The following KLHL36 variants were observed in gnomAD, a reference collection of about 807,000 sequenced individuals.
KLHL36 encodes the protein kelch-like protein 36.
Under a neutral mutation model 53.3 loss-of-function variants are expected in KLHL36, and 35 were observed. The observed-to-expected ratio is 0.66, with a 90% confidence interval of 0.50 to 0.87. KLHL36 has a LOEUF of 0.87. Ranked by LOEUF, KLHL36 falls within the 40% of genes least tolerant of loss-of-function variation. KLHL36 has a pLI of 0.00. For missense variants in KLHL36, 864 were observed against 897.6 expected (o/e 0.96, Z 0.48); for synonymous variants, 472 against 398.9 (o/e 1.18, Z -2.18).
Position 84,661,752 on chromosome 16 carries a change from C to A in KLHL36, c.1470C>A (p.Ser490Arg). The A allele has an allele frequency of 6.2e-7, 1 of 1,613,458 alleles. No individual in the cohort carries two copies. Among genetic ancestry groups the A allele is most frequent in the Non-Finnish European group, 8.5e-7 (1 of 1,179,898 alleles). ...TTARGWHSMC[S>R]LGDSIYSIGG... ...CGCGCGGCTGGCACAGCATGTGCAG[C>A]CTGGGTGACAGCATCTACTCCATCG... Residue 490 changes from serine (S) to arginine (R), a missense_variant, in exon 5 of 5, where the codon AGC becomes AGA. Coordinates refer to ENST00000564996, the MANE Select transcript of KLHL36 (RefSeq NM_024731.4). This position sits in a 1 kb window ranked among gnomAD's most constrained non-coding sequence, Gnocchi z 7.9.
Position 84,657,564 on chromosome 16 carries a change from G to A in KLHL36, c.757G>A (p.Val253Met), listed in dbSNP as rs764963635. ...NDLLHRVKPA[V>M]CSLLPKEANC... ...CCTGCTGCACCGCGTCAAGCCGGCC[G>A]TGTGCTCGCTGCTGCCCAAGGAGGC... is the stretch of plus-strand genomic sequence containing the variant. The change falls in exon 3 of 5, where the codon GTG becomes ATG. Residue 253 changes from valine to methionine, a missense_variant. By Grantham distance (21) the Val-to-Met change is conservative (BLOSUM62 1). Transcript: ENST00000564996. 10 of 1,610,522 alleles carry A rather than the reference G, an allele frequency of 6.2e-6. No homozygotes were observed. The highest frequency in any genetic ancestry group is 3.3e-5 in the South Asian group (3 of 91,088).
chr16:84,666,572 A>G lies in KLHL36; in HGVS notation c.*4439A>G, dbSNP rs1907846010. 1 of 152,116 alleles carries G rather than the reference A, an allele frequency of 6.6e-6. No individual in the cohort carries two copies. The highest frequency in any genetic ancestry group is 2.4e-5 in the African/African-American group (1 of 41,402). The allele number at this position is 152,116 out of a possible 1,614,324, so 9.4% of individuals were successfully genotyped here. On this transcript the variant is annotated 3_prime_UTR_variant, in exon 5 of 5. Coordinates refer to ENST00000564996, the MANE Select transcript of KLHL36 (RefSeq NM_024731.4). The stretch of plus-strand genomic sequence containing the variant: ...CCTTTGCCATACGGGTCATTTCTTG[A>G]TCAAATATATGACTGGGGTCCTGGT...
rs1401476039 is a variant in KLHL36, at chr16:84,662,786, C to T, written c.*653C>T. 1 of 152,238 alleles carries T rather than the reference C, an allele frequency of 6.6e-6. No individual in the cohort carries two copies. The highest frequency in any genetic ancestry group is 1.9e-4 in the East Asian group (1 of 5,202). The allele number at this position is 152,238 out of a possible 1,614,324, so 9.4% of individuals were successfully genotyped here. ...TAGACTGTCAGATGAGACATGATGA[C>T]TTCCCGCTGGGGAGCTGTTCTCCGT... On this transcript the variant is annotated 3_prime_UTR_variant, in exon 5 of 5. Transcript: ENST00000564996.
intron 2 of KLHL36, 34 bp from the exon 3 acceptor site, chr16:84,656,837 G>A (rs1907228518): frequency 1.3e-6 from 2 of 1,540,180 alleles, no homozygotes; most frequent in African/African-American, 1.4e-5. Context: ...CGAGCAGGCT[G>A]CTGCGCCGTT....
rs966333024 is a variant in KLHL36, at chr16:84,663,720, A to T, written c.*1587A>T. ...AAGATTGATATTAGACTAGGAAAAA[A>T]ATCTTAGTTAACTTTAATTTCCATT... On this transcript the variant is annotated 3_prime_UTR_variant, in exon 5 of 5. Coordinates refer to ENST00000564996, the MANE Select transcript of KLHL36 (RefSeq NM_024731.4). 10 of 152,224 alleles carry T rather than the reference A, an allele frequency of 6.6e-5. No homozygotes were observed. The highest frequency in any genetic ancestry group is 1.3e-4 in the Non-Finnish European group (9 of 68,044). 9.4% of individuals were successfully genotyped at this position (152,224 alleles called of 1,614,324 possible).
chr16:84,654,017 C>G (rs371544288), intron 2 of KLHL36, among the ~76,000 whole-genome samples: 22 of 152,312 alleles, frequency 1.4e-4, no homozygotes, highest in African/African-American at 4.8e-4. Flanking sequence ...GCCCCCTGCC[C>G]CAGCTCACTG....
In KLHL36 at chr16:84,665,590, G is replaced by GC. The variant is rs1907794765; in HGVS notation, c.*3458dup. 1 of 152,212 alleles carries GC rather than the reference G, an allele frequency of 6.6e-6. No homozygotes were observed. Among genetic ancestry groups the GC allele is most frequent in the African/African-American group, 2.4e-5 (1 of 41,446 alleles). The allele number at this position is 152,212 out of a possible 1,614,324, so 9.4% of individuals were successfully genotyped here. The stretch of plus-strand genomic sequence containing the variant: ...AGTGGGACTTCAGACCTGGCTCTGA[G>GC]CAGGACCACACGTGTGTATTTATAT... On this transcript the variant is annotated 3_prime_UTR_variant, in exon 5 of 5. Coordinates refer to ENST00000564996, the MANE Select transcript of KLHL36 (RefSeq NM_024731.4).
At position 84,661,434 on chromosome 16, in the gene KLHL36, C is replaced by CT. The variant is rs1907538905; in HGVS notation, c.1296-143dup. On this transcript the variant is annotated intron_variant, in intron 4 of 4. Transcript: ENST00000564996. The surrounding 1 kb of genome is among the most constrained non-coding windows in gnomAD (Gnocchi z 7.9). Reference sequence around the variant, plus strand: ...TTTCTTTGCTAATGACGGCTACTGTCTATAGAGTGTTCATGGGGTGCCCAC... The same window carrying CT: ...TTTCTTTGCTAATGACGGCTACTGTCTTATAGAGTGTTCATGGGGTGCCCAC... 1.3e-6 allele frequency: 1 copy of CT among 782,714 alleles called. No homozygotes were observed. The highest frequency in any genetic ancestry group is 2.0e-6 in the Non-Finnish European group (1 of 492,694). The allele number at this position is 782,714 out of a possible 1,614,324, so 48.5% of individuals were successfully genotyped here.
chr16:84,659,543 G>A (rs67118461), intron 3 of KLHL36: 81,971 of 533,394 alleles, frequency 0.15, 8,133 homozygotes, highest in Non-Finnish European at 0.2. Flanking sequence ...GACTCAGAGC[G>A]TCTCCATCCC....
chr16:84,652,120 CTTTG>C (rs935813992), intron 2 of KLHL36, among the ~76,000 whole-genome samples: 32 of 152,250 alleles, frequency 2.1e-4, no homozygotes, highest in African/African-American at 6.5e-4. Context: ...CTCACAAGGG[CTTTG>C]TTTGGGAGCT....
Position 84,648,514 on chromosome 16 carries a change from G to C in KLHL36, c.-152G>C, listed in dbSNP as rs565420610. 2 of 146,994 alleles carry C rather than the reference G, an allele frequency of 1.4e-5. No individual in the cohort carries two copies. Among genetic ancestry groups the C allele is most frequent in the Admixed American group, 6.8e-5 (1 of 14,728 alleles). The allele number at this position is 146,994 out of a possible 1,614,324, so 9.1% of individuals were successfully genotyped here. ...GGCCGCGCGCGCCGCCTCCGCCCTC[G>C]GCCTCGCACTTCCTGGCGGAGCCAT... On this transcript the variant is annotated 5_prime_UTR_variant, in exon 1 of 5. Transcript: ENST00000564996. This position sits in a 1 kb window ranked among gnomAD's most constrained non-coding sequence, Gnocchi z 4.9.
chr16:84,649,951 C>T (rs1906741810), intron 1 of KLHL36, among the ~76,000 whole-genome samples: 1 of 152,058 alleles, frequency 6.6e-6, no homozygotes, highest in East Asian at 1.9e-4. Flanking sequence ...CTTTGAAGCA[C>T]CTGCCCCTCC....
At position 84,667,065 on chromosome 16, in the gene KLHL36, A is replaced by AG. The variant is rs1351153257; in HGVS notation, c.*4932_*4933insG. ...TGACCGAGTAAGACTGTCTCAAAAA[A>AG]AAAAAAAAAAAAGAAAAGAAATTGT... On this transcript the variant is annotated 3_prime_UTR_variant, in exon 5 of 5. Coordinates refer to ENST00000564996, the MANE Select transcript of KLHL36 (RefSeq NM_024731.4). 1 of 121,494 alleles carries AG rather than the reference A, an allele frequency of 8.2e-6. No individual in the cohort carries two copies. Among genetic ancestry groups the AG allele is most frequent in the East Asian group, 2.5e-4 (1 of 3,932 alleles). 7.5% of individuals were successfully genotyped at this position (121,494 alleles called of 1,614,324 possible). A position where few individuals can be genotyped will look rare whatever the true frequency, so the allele number is the denominator to read the frequency against.
rs145361826 is a variant in KLHL36 at position 84,657,350 on chromosome 16, G to T, written c.543G>T (p.Thr181=). The part of the protein sequence containing the change: ...ILNHFGTLSF[T]PDFLQNVSMQ... ...ACCACTTCGGCACGCTGTCCTTTACGCCCGACTTCCTGCAGAACGTCTCCA... is the reference window on the plus strand; with the variant it reads ...ACCACTTCGGCACGCTGTCCTTTACTCCCGACTTCCTGCAGAACGTCTCCA... Residue 181 remains threonine, a synonymous_variant, in exon 3 of 5, where the codon ACG becomes ACT. Transcript: ENST00000564996. The T allele has an allele frequency of 5.0e-5, 80 of 1,612,436 alleles. No homozygotes were observed. The African/African-American group carries it at 8.8e-4, about 18-fold the overall frequency.
chr16:84,655,884 T>C (rs779692639), intron 2 of KLHL36, among the ~76,000 whole-genome samples: 2 of 151,654 alleles, frequency 1.3e-5, no homozygotes, highest in Non-Finnish European at 2.9e-5. Context: ...TTTCTCCCTA[T>C]GTTGAATTCA....
chr16:84,662,153 G>T lies in KLHL36; in HGVS notation c.*20G>T. ...CAGTGACCCTAGCTGCGCCTCTTGG[G>T]ACCATCCTCACCGTCACCTCCCAGG... On this transcript the variant is annotated 3_prime_UTR_variant, in exon 5 of 5. Transcript: ENST00000564996. 1 of 1,492,152 alleles carries T rather than the reference G, an allele frequency of 6.7e-7. No homozygotes were observed. The allele number at this position is 1,492,152 out of a possible 1,614,324, so 92.4% of individuals were successfully genotyped here.
chr16:84,658,769 T>G (rs942843769), intron 3 of KLHL36: 5 of 152,132 alleles, frequency 3.3e-5, no homozygotes, highest in Non-Finnish European at 7.3e-5. Context: ...TACTCACACC[T>G]CAGCGTCGCG....
At chr16:84,653,318 A>G (rs1907010883) in intron 2 of KLHL36, among the ~76,000 whole-genome samples, 1 of 152,118 alleles carries the variant, frequency 6.6e-6, no homozygotes, top group South Asian at 2.1e-4. Context: ...CGACAACCTG[A>G]GTTTCTCCCT....
intron 2 of KLHL36, among the ~76,000 whole-genome samples, chr16:84,656,556 C>T (rs894051709): frequency 1.1e-4 from 16 of 147,814 alleles, no homozygotes; most frequent in Admixed American, 2.7e-4. Flanking sequence ...CACTTGAACC[C>T]GGGAGGCAGA....
Sources: gnomAD v4.1 joint callset for allele counts (sites outside exome capture counted in the v4.1 genomes callset) on GRCh38, gnomAD v4.1.1 for gene constraint, Gnocchi (gnomAD v3.1) non-coding constraint, MANE v1.5 for transcripts, NCBI Gene and HGNC (gene_info 2026-07-23, HGNC 2026-07-21) for gene names.